Variants in SKAP2 observed in about 807,000 individuals in gnomAD.
SKAP2 encodes src kinase-associated phosphoprotein 2.
Under a neutral mutation model 54.9 loss-of-function variants are expected in SKAP2, and 28 were observed. That is an observed-to-expected ratio of 0.51 (90% confidence interval 0.38 to 0.70). The LOEUF (loss-of-function observed/expected upper bound fraction) is 0.70. Among genes scored for constraint, SKAP2 ranks in the 30% least tolerant of loss-of-function variants. The probability of loss-of-function intolerance (pLI) is 0.00; values close to 1 mark genes in which losing one functional copy is unlikely to be tolerated. For synonymous variants in SKAP2, 137 were observed against 134.3 expected, an observed-to-expected ratio of 1.02 and a Z score of -0.14; for missense variants, 356 against 424.1, an observed-to-expected ratio of 0.84 and a Z score of 1.41.
chr7:26,676,443 T>G (rs560559295), intron 11 of SKAP2, among the ~76,000 whole-genome samples: 2 of 152,144 alleles, frequency 1.3e-5, no homozygotes, highest in African/African-American at 4.8e-5. Flanking sequence ...GAAACACCAT[T>G]GTCTTTGGAG....
intron 4 of SKAP2, among the ~76,000 whole-genome samples, chr7:26,791,399 C>T (rs1783671585): frequency 1.3e-5 from 2 of 151,854 alleles, no homozygotes; most frequent in Non-Finnish European, 2.9e-5. Context: ...TGGTCTTGTA[C>T]TCCTGGGCTC....
intron 4 of SKAP2, among the ~76,000 whole-genome samples, chr7:26,789,965 G>T (rs547099867): frequency 6.6e-6 from 1 of 152,198 alleles, no homozygotes; most frequent in Non-Finnish European, 1.5e-5. Flanking sequence ...AGTAATCAAA[G>T]GGCACAGCTG....
intron 6 of SKAP2, among the ~76,000 whole-genome samples, chr7:26,734,131 T>G (rs948530814): frequency 1.3e-5 from 2 of 152,270 alleles, no homozygotes; most frequent in Non-Finnish European, 2.9e-5. Flanking sequence ...GGCAGAGAGA[T>G]CTGCATTAAA....
At chr7:26,790,606 T>C (rs1025747188) in intron 4 of SKAP2, among the ~76,000 whole-genome samples, 1 of 152,236 alleles carries the variant, frequency 6.6e-6, no homozygotes, top group South Asian at 2.1e-4. Flanking sequence ...AGAACATTCA[T>C]ATGTTGGTCA....
intron 4 of SKAP2, among the ~76,000 whole-genome samples, chr7:26,842,345 T>C (rs1372469721): frequency 6.6e-6 from 1 of 151,598 alleles, no homozygotes; most frequent in East Asian, 1.9e-4. Context: ...TTCCTGAATA[T>C]TTTGTTATAA....
At chr7:26,820,588 C>G (rs1054128945) in intron 4 of SKAP2, among the ~76,000 whole-genome samples, 2 of 152,062 alleles carry the variant, frequency 1.3e-5, no homozygotes, top group South Asian at 2.1e-4. Flanking sequence ...AAGCTAAATA[C>G]GATTCACCCA....
At chr7:26,843,089 T>C (rs1784851530) in intron 4 of SKAP2, among the ~76,000 whole-genome samples, 1 of 152,064 alleles carries the variant, frequency 6.6e-6, no homozygotes, top group South Asian at 2.1e-4. Flanking sequence ...CATAATTTTA[T>C]ACCTCATAAA....
chr7:26,690,495 C>A, intron 9 of SKAP2, 133 bp from the exon 10 acceptor site: 1 of 581,140 alleles, frequency 1.7e-6, no homozygotes, highest in Non-Finnish European at 3.0e-6. Context: ...TAAAATAACT[C>A]AAGATTCACA....
intron 11 of SKAP2, 77 bp downstream of exon 11, chr7:26,684,659 C>T (rs1243016887): frequency 7.5e-6 from 6 of 801,544 alleles, no homozygotes; most frequent in South Asian, 3.1e-5. Flanking sequence ...TCTTCCCTAG[C>T]TCTGTAAATC....
At chr7:26,862,975 T>C (rs1361480436) in intron 1 of SKAP2, among the ~76,000 whole-genome samples, 1 of 152,130 alleles carries the variant, frequency 6.6e-6, no homozygotes, top group Admixed American at 6.5e-5. Context: ...AAATGTTAAG[T>C]GTAGTAAAAC....
chr7:26,687,561 G>A (rs1279106943), intron 10 of SKAP2, among the ~76,000 whole-genome samples: 2 of 152,042 alleles, frequency 1.3e-5, no homozygotes, highest in African/African-American at 2.4e-5. Flanking sequence ...GGCAGTATAT[G>A]TTTATTAGCC....
chr7:26,838,013 T>C (rs1784749697), intron 4 of SKAP2, among the ~76,000 whole-genome samples: 2 of 152,208 alleles, frequency 1.3e-5, no homozygotes, highest in African/African-American at 4.8e-5. Context: ...TATTTTAGGT[T>C]TCCTCATTTG....
At chr7:26,689,714 C>A (rs968106403) in intron 10 of SKAP2, among the ~76,000 whole-genome samples, 1 of 152,158 alleles carries the variant, frequency 6.6e-6, no homozygotes, top group Non-Finnish European at 1.5e-5. Context: ...GGCTGCAGAT[C>A]AATTAGCAGT....
chr7:26,822,646 C>T (rs62448195), intron 4 of SKAP2, among the ~76,000 whole-genome samples: 2 of 151,552 alleles, frequency 1.3e-5, no homozygotes, highest in African/African-American at 4.8e-5. Context: ...GAGGCCAAGG[C>T]GGGTGGATCA....
intron 4 of SKAP2, among the ~76,000 whole-genome samples, chr7:26,743,626 T>C (rs1328320873): frequency 6.6e-6 from 1 of 152,206 alleles, no homozygotes; most frequent in Non-Finnish European, 1.5e-5. Context: ...AGGTATATAC[T>C]GAGAAAGACT....
intron 4 of SKAP2, among the ~76,000 whole-genome samples, chr7:26,823,769 G>A (rs751692936): frequency 2.0e-5 from 3 of 152,164 alleles, no homozygotes; most frequent in Non-Finnish European, 4.4e-5. Flanking sequence ...CTGCAGATGT[G>A]GTGGAAATGG....
downstream of SKAP2, among the ~76,000 whole-genome samples, chr7:26,662,580 G>A (rs897171190): frequency 1.3e-5 from 2 of 152,056 alleles, no homozygotes; most frequent in African/African-American, 4.8e-5. Flanking sequence ...AATACCCCTT[G>A]CACAGGATGG....
chr7:26,851,605 T>C (rs575104386), intron 3 of SKAP2, among the ~76,000 whole-genome samples: 6 of 151,804 alleles, frequency 4.0e-5, no homozygotes, highest in East Asian at 1.9e-4. Flanking sequence ...TTAGGAGATA[T>C]ACCTAATGTA....
chr7:26,673,883 T>C (rs1334923121), intron 11 of SKAP2, among the ~76,000 whole-genome samples: 2 of 152,110 alleles, frequency 1.3e-5, no homozygotes, highest in Non-Finnish European at 2.9e-5. Context: ...AACAGAGACT[T>C]TATCCAACAT....
Sources: gnomAD v4.1 joint callset for allele counts (sites outside exome capture counted in the v4.1 genomes callset) on GRCh38, gnomAD v4.1.1 for gene constraint, MANE v1.5 for transcripts, NCBI Gene and HGNC (gene_info 2026-07-23, HGNC 2026-07-21) for gene names.